Variants in NYAP2 observed in about 807,000 individuals in gnomAD.
NYAP2 encodes neuronal tyrosine-phosphorylated phosphoinositide-3-kinase adaptor 2.
A neutral mutation model predicts 50.4 loss-of-function variants in NYAP2; 23 were observed. The observed-to-expected ratio is 0.46, with a 90% CI of 0.33 to 0.65. NYAP2 has a LOEUF of 0.65. Ranked by LOEUF, NYAP2 falls within the 30% of genes least tolerant of loss-of-function variation. NYAP2 has a pLI of 0.02. For missense variants in NYAP2, 885 were observed against 861.0 expected (o/e 1.03, Z -0.35); for synonymous variants, 394 against 365.2 (o/e 1.08, Z -0.90).
chr2:225,517,612 C>G (rs1690958862), intron 4 of NYAP2, among the ~76,000 whole-genome samples: 2 of 152,100 alleles, frequency 1.3e-5, no homozygotes. Flanking sequence ...TTTATGACAA[C>G]CTGGTGAACT....
At chr2:225,522,720 T>C (rs1691087322) in intron 4 of NYAP2, among the ~76,000 whole-genome samples, 2 of 152,174 alleles carry the variant, frequency 1.3e-5, no homozygotes, top group African/African-American at 4.8e-5. Flanking sequence ...CAAACAGTTT[T>C]GGTTCTACTT....
intron 3 of NYAP2, among the ~76,000 whole-genome samples, chr2:225,421,024 G>A (rs1314303052): frequency 6.6e-6 from 1 of 152,112 alleles, no homozygotes; most frequent in Non-Finnish European, 1.5e-5. Context: ...CCAGGCTCAA[G>A]TGATCCTCCC....
At chr2:225,642,784 C>T (rs915634600) in intron 6 of NYAP2, among the ~76,000 whole-genome samples, 1 of 152,116 alleles carries the variant, frequency 6.6e-6, no homozygotes, top group African/African-American at 2.4e-5. Flanking sequence ...AATCAAATTA[C>T]TATTCCAGAA....
chr2:225,612,855 C>CACACCCAATGTGTGGGA (rs1277985514), intron 5 of NYAP2, among the ~76,000 whole-genome samples: 1 of 149,958 alleles, frequency 6.7e-6, no homozygotes, highest in Non-Finnish European at 1.5e-5. Flanking sequence ...GACATCACAT[C>CACACCCAATGTGTGGGA]TGGGTCTAGA....
the NYAP2 span, among the ~76,000 whole-genome samples, chr2:225,668,423 C>G: frequency 6.6e-6 from 1 of 152,174 alleles, no homozygotes; most frequent in Non-Finnish European, 1.5e-5. Flanking sequence ...TACCAGGAGA[C>G]TGAGGCCATG....
intron 3 of NYAP2, among the ~76,000 whole-genome samples, chr2:225,458,716 C>T (rs774661290): frequency 2.6e-5 from 4 of 152,322 alleles, no homozygotes; most frequent in African/African-American, 7.2e-5. Flanking sequence ...TTCCACTAAA[C>T]GTGTCCCACC....
intron 2 of NYAP2, among the ~76,000 whole-genome samples, chr2:225,408,450 C>T (rs374923069): frequency 3.2e-4 from 49 of 152,110 alleles, no homozygotes; most frequent in East Asian, 1.5e-3. Context: ...ATAATTACAT[C>T]ATTTTACTTG....
intron 3 of NYAP2, among the ~76,000 whole-genome samples, chr2:225,431,648 T>A (rs1218561745): frequency 2.6e-5 from 4 of 152,186 alleles, no homozygotes; most frequent in Non-Finnish European, 1.5e-5. Flanking sequence ...TCTCTCTCTC[T>A]CTTTTTCTCT....
intron 4 of NYAP2, among the ~76,000 whole-genome samples, chr2:225,563,976 A>G (rs1275530827): frequency 6.6e-6 from 1 of 152,112 alleles, no homozygotes; most frequent in Non-Finnish European, 1.5e-5. Flanking sequence ...GTGAACTGTA[A>G]TGTCTCTCTC....
the NYAP2 span, among the ~76,000 whole-genome samples, chr2:225,670,605 CAAAAAAAAAAA>C: frequency 3.8e-5 from 3 of 78,550 alleles, no homozygotes; most frequent in African/African-American, 1.0e-4. Flanking sequence ...CAGTATTTTC[CAAAAAAAAAAA>C]AAAAAAAAAA....
At chr2:225,537,361 A>T (rs187905326) in intron 4 of NYAP2, among the ~76,000 whole-genome samples, 40 of 152,288 alleles carry the variant, frequency 2.6e-4, no homozygotes, top group African/African-American at 8.7e-4. Context: ...TGATAAAGAC[A>T]TACCCGAGAC....
chr2:225,484,022 G>A (rs912576073), intron 3 of NYAP2, among the ~76,000 whole-genome samples: 9 of 152,170 alleles, frequency 5.9e-5, no homozygotes, highest in African/African-American at 2.2e-4. Context: ...GAGGATTTGA[G>A]GGTCTTGGGT....
downstream of NYAP2, among the ~76,000 whole-genome samples, chr2:225,657,573 G>A (rs2106276079): frequency 7.0e-6 from 1 of 142,838 alleles, no homozygotes; most frequent in Admixed American, 7.1e-5. Context: ...CAATTTTGCT[G>A]TGAACCTAAA....
At chr2:225,565,034 G>A (rs1484040736) in intron 4 of NYAP2, among the ~76,000 whole-genome samples, 1 of 151,880 alleles carries the variant, frequency 6.6e-6, no homozygotes, top group Non-Finnish European at 1.5e-5. Flanking sequence ...GGAGGCTGAG[G>A]CAGGAGAATT....
chr2:225,651,546 C>T lies in NYAP2; in HGVS notation c.1943C>T (p.Ser648Leu), dbSNP rs368954224. Residue 648 changes from serine (S) to leucine (L), a missense_variant, in exon 7 of 7, where the codon TCG becomes TTG. Physicochemically the swap from Ser to Leu is moderately radical, Grantham distance 145. Transcript: ENST00000636099. ...CTGCAACAGAGCCAGGTACCATCAT[C>T]GTTAGCCAATCGTGATTGACTTCCT... is the stretch of plus-strand genomic sequence containing the variant. 2.0e-5 allele frequency: 32 copies of T among 1,613,810 alleles called. No individual in the cohort carries two copies. Among genetic ancestry groups the T allele is most frequent in the Admixed American group, 8.3e-5 (5 of 59,992 alleles).
At chr2:225,631,678 G>C (rs1574720162) in intron 6 of NYAP2, among the ~76,000 whole-genome samples, 1 of 152,276 alleles carries the variant, frequency 6.6e-6, no homozygotes, top group East Asian at 1.9e-4. Flanking sequence ...GAAAAATGTT[G>C]TGTTGTTAGC....
At chr2:225,686,689 A>G in the NYAP2 span, among the ~76,000 whole-genome samples, 1 of 152,134 alleles carries the variant, frequency 6.6e-6, no homozygotes, top group African/African-American at 2.4e-5. Context: ...TATTTTCAGT[A>G]CACAAGTATA....
At chr2:225,657,759 T>C (rs992560014), downstream of NYAP2, among the ~76,000 whole-genome samples, 7 of 152,182 alleles carry the variant, frequency 4.6e-5, no homozygotes, top group Non-Finnish European at 1.0e-4. Flanking sequence ...GTTTAGCCCC[T>C]TGTCCTATAG....
At chr2:225,667,997 C>T in the NYAP2 span, among the ~76,000 whole-genome samples, 1 of 152,072 alleles carries the variant, frequency 6.6e-6, no homozygotes, top group Non-Finnish European at 1.5e-5. Flanking sequence ...TCACTACTAC[C>T]TACTATCATC....
Sources: gnomAD v4.1 joint callset for allele counts (sites outside exome capture counted in the v4.1 genomes callset) on GRCh38, gnomAD v4.1.1 for gene constraint, MANE v1.5 for transcripts, NCBI Gene and HGNC (gene_info 2026-07-23, HGNC 2026-07-21) for gene names.